The following ZFHX3 variants were observed in gnomAD, a reference collection of about 807,000 sequenced individuals.
ZFHX3 encodes the protein zinc finger homeobox protein 3.
In ZFHX3, 42 loss-of-function variants were observed where a neutral mutation model predicts 279.1. The observed-to-expected ratio is 0.15, with a 90% CI of 0.12 to 0.19. The LOEUF (loss-of-function observed/expected upper bound fraction) is 0.19. Ranked by LOEUF, ZFHX3 falls within the 10% of genes least tolerant of loss-of-function variation. ZFHX3 has a pLI of 1.00. For synonymous variants in ZFHX3, 2,293 were observed against 1,957.8 expected (o/e 1.17, Z -4.52); for missense variants, 4,981 against 4,754.0 (o/e 1.05, Z -1.40).
intron 4 of ZFHX3, among the ~76,000 whole-genome samples, chr16:73,296,315 T>C (rs1482825741): frequency 1.3e-5 from 2 of 152,084 alleles, no homozygotes; most frequent in Non-Finnish European, 2.9e-5. Context: ...TACAACTGAA[T>C]TAAGAAAATG....
intron 1 of ZFHX3, among the ~76,000 whole-genome samples, chr16:73,784,814 T>C (rs191364650): frequency 0.13 from 13,883 of 108,174 alleles, 2,369 homozygotes; most frequent in African/African-American, 0.38. Flanking sequence ...TATATATATA[T>C]ATACACACAC....
intron 4 of ZFHX3, among the ~76,000 whole-genome samples, chr16:73,303,619 T>C (rs941690569): frequency 6.6e-6 from 1 of 152,196 alleles, no homozygotes; most frequent in African/African-American, 2.4e-5. Context: ...TTAAAGCTAT[T>C]ATCTGTATAA....
intron 8 of ZFHX3, among the ~76,000 whole-genome samples, chr16:73,075,898 G>A (rs1965883058): frequency 1.3e-5 from 2 of 152,084 alleles, no homozygotes; most frequent in Admixed American, 1.3e-4. Flanking sequence ...CCAAAGTGCT[G>A]GGATTATAGG....
At chr16:73,048,425 GC>G (rs1207561771), upstream of ZFHX3, 1 of 151,776 alleles carries the variant, frequency 6.6e-6, no homozygotes, top group Non-Finnish European at 1.5e-5. Context: ...GGGCCTTGGG[GC>G]AGGCCGGGGG....
At chr16:72,895,051 G>A (rs2038864509) in intron 3 of ZFHX3, among the ~76,000 whole-genome samples, 1 of 152,210 alleles carries the variant, frequency 6.6e-6, no homozygotes, top group East Asian at 1.9e-4. Context: ...AAGAAAACCA[G>A]CTGGTGAGCC....
At chr16:73,451,370 G>A (rs79721061) in intron 3 of ZFHX3, among the ~76,000 whole-genome samples, 3,346 of 152,292 alleles carry the variant, frequency 0.022, 117 homozygotes, top group African/African-American at 0.075. Flanking sequence ...TACTTGAATT[G>A]AGGTGACTAT....
intron 4 of ZFHX3, among the ~76,000 whole-genome samples, chr16:72,836,361 T>C (rs2037192738): frequency 6.6e-6 from 1 of 152,098 alleles, no homozygotes; most frequent in African/African-American, 2.4e-5. Context: ...CCCAGACACA[T>C]CTCAAATATT....
At chr16:73,871,692 C>T (rs2029862546) in intron 1 of ZFHX3, among the ~76,000 whole-genome samples, 2 of 151,870 alleles carry the variant, frequency 1.3e-5, no homozygotes, top group Admixed American at 1.3e-4. Flanking sequence ...TTGCAAAGGC[C>T]AGCATAACAA....
chr16:72,995,222 T>C (rs1963239914), intron 1 of ZFHX3, among the ~76,000 whole-genome samples: 2 of 152,080 alleles, frequency 1.3e-5, no homozygotes, highest in Admixed American at 6.6e-5. Context: ...AAATAATAAA[T>C]GTCGAGTCCT....
At chr16:73,866,807 T>C (rs375247478) in intron 1 of ZFHX3, among the ~76,000 whole-genome samples, 1 of 152,182 alleles carries the variant, frequency 6.6e-6, no homozygotes, top group East Asian at 1.9e-4. Flanking sequence ...CAGAAAATAA[T>C]GGCCTGGTGA....
intron 5 of ZFHX3, among the ~76,000 whole-genome samples, chr16:72,819,860 G>A (rs917129932): frequency 1.1e-4 from 16 of 152,316 alleles, no homozygotes; most frequent in African/African-American, 1.7e-4. Flanking sequence ...TTCTGTTAGC[G>A]TAATCCAGAA....
At chr16:73,337,127 A>G (rs2015928868) in intron 3 of ZFHX3, among the ~76,000 whole-genome samples, 2 of 152,068 alleles carry the variant, frequency 1.3e-5, no homozygotes, top group Non-Finnish European at 2.9e-5. Context: ...ATTTATTTCC[A>G]TTTACCTGTT....
chr16:73,804,002 C>A (rs1287675925), intron 1 of ZFHX3, among the ~76,000 whole-genome samples: 1 of 151,986 alleles, frequency 6.6e-6, no homozygotes, highest in Non-Finnish European at 1.5e-5. Context: ...ACAAAAAATA[C>A]AAAAATTAAC....
intron 5 of ZFHX3, among the ~76,000 whole-genome samples, chr16:73,237,581 G>A (rs2012993096): frequency 1.8e-5 from 2 of 108,832 alleles, no homozygotes; most frequent in South Asian, 6.7e-4. Context: ...TTTGTAGCTT[G>A]AGCTAGTATT....
Position 72,787,434 on chromosome 16 carries a change from C to A in ZFHX3, c.10842G>T (p.Arg3614Ser), listed in dbSNP as rs952376269. ...GGGAGACCACTTGCGGCCAAGACTT[C>A]CTGGAGGCGTGGGGGGAAGCGGAGG... ...APSSASPHAS[R>S]KSWPQVVSRA... The change falls in exon 10 of 10, where the codon AGG becomes AGT. Residue 3614 changes from arginine (R) to serine (S), a missense_variant. By Grantham distance (110) the Arg-to-Ser change is moderately radical (BLOSUM62 -1). Coordinates refer to ENST00000268489, the MANE Select transcript of ZFHX3 (RefSeq NM_006885.4). 1.3e-6 allele frequency: 2 copies of A among 1,594,428 alleles called. No individual in the cohort carries two copies. The highest frequency in any genetic ancestry group is 2.7e-5 in the African/African-American group (2 of 73,194).
chr16:73,564,591 C>A (rs2020423563), intron 2 of ZFHX3, among the ~76,000 whole-genome samples: 1 of 152,186 alleles, frequency 6.6e-6, no homozygotes, highest in Admixed American at 6.5e-5. Context: ...CCAGCCAGAG[C>A]AAACTCTGTA....
intron 7 of ZFHX3, among the ~76,000 whole-genome samples, chr16:73,111,504 G>C (rs1354481113): frequency 6.7e-6 from 1 of 149,404 alleles, no homozygotes; most frequent in East Asian, 2.1e-4. Context: ...GGAATAAAAG[G>C]AACTCTACAC....
chr16:73,417,868 A>G (rs1213960320), intron 3 of ZFHX3, among the ~76,000 whole-genome samples: 1 of 150,978 alleles, frequency 6.6e-6, no homozygotes, highest in Admixed American at 6.6e-5. Flanking sequence ...AGGCGCCTGT[A>G]GTCCCAGCTC....
At chr16:73,599,093 A>T (rs756510943) in intron 2 of ZFHX3, among the ~76,000 whole-genome samples, 2 of 152,206 alleles carry the variant, frequency 1.3e-5, no homozygotes, top group Admixed American at 6.5e-5. Context: ...GGGTTTCTTC[A>T]TACTATCATA....
Sources: gnomAD v4.1 joint callset for allele counts (sites outside exome capture counted in the v4.1 genomes callset) on GRCh38, gnomAD v4.1.1 for gene constraint, MANE v1.5 for transcripts, NCBI Gene and HGNC (gene_info 2026-07-23, HGNC 2026-07-21) for gene names.